TRIT1: variants seen among roughly 807,000 people sequenced by gnomAD.
The protein encoded by TRIT1 is tRNA isopentenyltransferase 1.
Under a neutral mutation model 51.2 loss-of-function variants are expected in TRIT1, and 43 were observed. That is an observed-to-expected ratio of 0.84 (90% CI 0.66 to 1.08). The LOEUF is 1.08. Among genes scored for constraint, TRIT1 ranks in the 50% least tolerant of loss-of-function variants. TRIT1 has a pLI of 0.00. For synonymous variants in TRIT1, 184 were observed against 203.9 expected, an observed-to-expected ratio of 0.90 and a Z score of 0.83; for missense variants, 528 against 578.4, an observed-to-expected ratio of 0.91 and a Z score of 0.89.
Position 39,840,898 on chromosome 1 carries a change from TA to T in TRIT1, c.*845del, listed in dbSNP as rs1641848734. On this transcript the variant is annotated 3_prime_UTR_variant, in exon 11 of 11. Transcript: ENST00000316891. ...CCTCTCTAGATGTCTTCAAGGACTA[TA>T]ACGTGTTAAATAAACACCCGCTACA... 2 of 152,204 alleles carry T rather than the reference TA, an allele frequency of 1.3e-5. 1 individual carries two copies. Among genetic ancestry groups the T allele is most frequent in the African/African-American group, 4.8e-5 (2 of 41,452 alleles). 9.4% of individuals were successfully genotyped at this position (152,204 alleles called of 1,614,324 possible). A position where few individuals can be genotyped will look rare whatever the true frequency, so the allele number is the denominator to read the frequency against.
intron 9 of TRIT1, 52 bp from the exon 10 acceptor site, chr1:39,844,270 A>G: frequency 7.0e-7 from 1 of 1,427,728 alleles, no homozygotes; most frequent in Non-Finnish European, 9.8e-7. Flanking sequence ...ATCTGGATAT[A>G]ATTCTCTATT....
chr1:39,848,294 T>C (rs1642354273), intron 5 of TRIT1, among the ~76,000 whole-genome samples, 197 bp from the exon 6 acceptor site: 1 of 152,110 alleles, frequency 6.6e-6, no homozygotes, highest in African/African-American at 2.4e-5. Flanking sequence ...AAATGAAGCA[T>C]AGTCAGAATG....
chr1:39,865,133 C>T (rs1417194778), intron 1 of TRIT1, among the ~76,000 whole-genome samples: 1 of 152,176 alleles, frequency 6.6e-6, no homozygotes, highest in African/African-American at 2.4e-5. Context: ...TTCTACTAAG[C>T]TCTCAAAGCA....
At chr1:39,868,315 A>G (rs1032278768) in intron 1 of TRIT1, among the ~76,000 whole-genome samples, 3 of 152,208 alleles carry the variant, frequency 2.0e-5, no homozygotes, top group African/African-American at 7.2e-5. Flanking sequence ...TGCGAATAAC[A>G]TATCTGATAA....
intron 8 of TRIT1, among the ~76,000 whole-genome samples, chr1:39,845,718 C>T (rs1289942048): frequency 6.6e-6 from 1 of 152,228 alleles, no homozygotes; most frequent in Non-Finnish European, 1.5e-5. Context: ...TCAACAAGTT[C>T]TCGGCTCCCA....
rs917134011 is a variant in TRIT1, at chr1:39,841,624, G to A, written c.*120C>T. The A allele has an allele frequency of 9.9e-7, 1 of 1,015,032 alleles. No homozygotes were observed. Among genetic ancestry groups the A allele is most frequent in the Non-Finnish European group, 1.4e-6 (1 of 720,756 alleles). 62.9% of individuals were successfully genotyped at this position (1,015,032 alleles called of 1,614,324 possible). A position where few individuals can be genotyped will look rare whatever the true frequency, so the allele number is the denominator to read the frequency against. ...ACCACATCAAAAGAAAATGGTGGGAGCTTTTCTGCTATGCAGAGAATTCCG... is the reference window on the plus strand; with the variant it reads ...ACCACATCAAAAGAAAATGGTGGGAACTTTTCTGCTATGCAGAGAATTCCG... On this transcript the variant is annotated 3_prime_UTR_variant, in exon 11 of 11. Coordinates refer to ENST00000316891, the MANE Select transcript of TRIT1 (RefSeq NM_017646.6).
At position 39,869,932 on chromosome 1, in the gene TRIT1, C is replaced by T. The variant is rs926974999; in HGVS notation, c.175-12515G>A. ...CCGGCCAGCCGCCCCGTCCGGGAGG[C>T]GGGGGGCGCCTCTGCCTGGCTGCCC... On this transcript the variant is annotated intron_variant, in intron 1 of 10. Coordinates refer to ENST00000316891, the MANE Select transcript of TRIT1 (RefSeq NM_017646.6). 3.3e-5 allele frequency among the ~76,000 whole-genome samples: 5 copies of T among 150,974 alleles called. No homozygotes were observed. The South Asian group carries it at 6.3e-4, about 19-fold the overall frequency.
intron 1 of TRIT1, among the ~76,000 whole-genome samples, chr1:39,866,103 AG>A (rs1205535190): frequency 4.6e-5 from 7 of 151,356 alleles, no homozygotes; most frequent in Non-Finnish European, 7.4e-5. Flanking sequence ...AAAGGAAGGA[AG>A]GAAGGAAGGA....
At chr1:39,855,485 G>A (rs1408968379) in intron 2 of TRIT1, among the ~76,000 whole-genome samples, 1 of 152,124 alleles carries the variant, frequency 6.6e-6, no homozygotes, top group Non-Finnish European at 1.5e-5. Flanking sequence ...CCAAGGAAAT[G>A]TTTCAGATTT....
At chr1:39,873,792 G>A (rs1643953935) in intron 1 of TRIT1, among the ~76,000 whole-genome samples, 1 of 152,210 alleles carries the variant, frequency 6.6e-6, no homozygotes, top group South Asian at 2.1e-4. Context: ...GGGAGGCAGA[G>A]ACGGATGGAT....
At chr1:39,881,336 C>T (rs538792680) in intron 1 of TRIT1, among the ~76,000 whole-genome samples, 1 of 151,962 alleles carries the variant, frequency 6.6e-6, no homozygotes, top group South Asian at 2.1e-4. Flanking sequence ...TTACTTAAGT[C>T]TCTGAGGTAT....
chr1:39,844,688 C>A, intron 8 of TRIT1, 48 bp from the exon 9 acceptor site: 1 of 1,355,358 alleles, frequency 7.4e-7, no homozygotes, highest in South Asian at 1.2e-5. Flanking sequence ...CAAACCCAAT[C>A]TATTCTGCAG....
chr1:39,858,376 G>A (rs1198948252), intron 1 of TRIT1, among the ~76,000 whole-genome samples: 1 of 152,194 alleles, frequency 6.6e-6, no homozygotes, highest in Admixed American at 6.5e-5. Flanking sequence ...CCACTTACTA[G>A]TTATTCGTAG....
At position 39,847,977 on chromosome 1, in the gene TRIT1, A is replaced by C. The variant is rs751672103; in HGVS notation, c.815+9T>G. 6.2e-7 allele frequency: 1 copy of C among 1,610,220 alleles called. No homozygotes were observed. Among genetic ancestry groups the C allele is most frequent in the Admixed American group, 1.7e-5 (1 of 60,024 alleles). ...GGACAGTAGGTCAGAATAACAGCCA[A>C]ATCCTCACCTATTTTCCGAAACATT... On this transcript the variant is annotated intron_variant, in intron 6 of 10. Transcript: ENST00000316891.
chr1:39,877,943 A>G (rs888158477), intron 1 of TRIT1, among the ~76,000 whole-genome samples: 1 of 152,206 alleles, frequency 6.6e-6, no homozygotes, highest in Non-Finnish European at 1.5e-5. Context: ...TTTTATTTCT[A>G]TAATTTGTGA....
Position 39,838,296 on chromosome 1 carries a change from A to T in TRIT1, c.*3448T>A, listed in dbSNP as rs945277530. ...TCCCAAAATTTCTTCATCCTGGTTA[A>T]AAAGTATTTAACAATTGAAGCAGAT... On this transcript the variant is annotated 3_prime_UTR_variant, in exon 11 of 11. Coordinates refer to ENST00000316891, the MANE Select transcript of TRIT1 (RefSeq NM_017646.6). Among the ~76,000 whole-genome samples, 1 of 152,208 alleles carries T rather than the reference A, an allele frequency of 6.6e-6. No individual in the cohort carries two copies. Among genetic ancestry groups the T allele is most frequent in the Admixed American group, 6.5e-5 (1 of 15,272 alleles).
chr1:39,841,041 T>C lies in TRIT1; in HGVS notation c.*703A>G, dbSNP rs1444103135. 6.6e-6 allele frequency: 1 copy of C among 152,216 alleles called. No homozygotes were observed. 9.4% of individuals were successfully genotyped at this position (152,216 alleles called of 1,614,324 possible). On this transcript the variant is annotated 3_prime_UTR_variant, in exon 11 of 11. Coordinates refer to ENST00000316891, the MANE Select transcript of TRIT1 (RefSeq NM_017646.6). Reference sequence around the variant, plus strand: ...ATGGACTTGTATATCTTTTTAAGGATCAAAGAGGCTCTTGTAAATTTTTTC... The same window carrying C: ...ATGGACTTGTATATCTTTTTAAGGACCAAAGAGGCTCTTGTAAATTTTTTC...
chr1:39,873,729 T>C (rs191991337), intron 1 of TRIT1, among the ~76,000 whole-genome samples: 9 of 152,280 alleles, frequency 5.9e-5, no homozygotes, highest in African/African-American at 1.9e-4. Context: ...TGTGTAAATC[T>C]ACAACTATTT....
chr1:39,874,100 T>C lies in TRIT1; in HGVS notation c.174+9218A>G, dbSNP rs1376070952. ...AATCTCAGCTACTTGGAAGGTGAAG[T>C]GGGACGACTGCTTGAGCCCAGGAGT... On this transcript the variant is annotated intron_variant, in intron 1 of 10. Transcript: ENST00000316891. Among the ~76,000 whole-genome samples, 3 of 152,170 alleles carry C rather than the reference T, an allele frequency of 2.0e-5. No homozygotes were observed. In the East Asian group the frequency reaches 5.8e-4, roughly 29 times the overall value.
Sources: gnomAD v4.1 joint callset for allele counts (sites outside exome capture counted in the v4.1 genomes callset) on GRCh38, gnomAD v4.1.1 for gene constraint, MANE v1.5 for transcripts, NCBI Gene and HGNC (gene_info 2026-07-23, HGNC 2026-07-21) for gene names.